Variants in CTXND2 observed in about 807,000 individuals in gnomAD.
CTXND2 encodes the protein cortexin domain containing 2.
At chr1:150,902,375 C>A (rs1669054367) in intron 1 of CTXND2, among the ~76,000 whole-genome samples, 1 of 150,660 alleles carries the variant, frequency 6.6e-6, no homozygotes, top group Non-Finnish European at 1.5e-5. Context: ...CCACTGCACT[C>A]AAGCCTGGGC....
At chr1:150,902,882 C>G (rs1304417361) in intron 1 of CTXND2, among the ~76,000 whole-genome samples, 1 of 151,978 alleles carries the variant, frequency 6.6e-6, no homozygotes, top group Non-Finnish European at 1.5e-5. Context: ...CTTTCTCCTA[C>G]AGAGTACAGA....
exon 2 of CTXND2, chr1:150,912,656 G>C: frequency 2.5e-6 from 1 of 393,124 alleles, no homozygotes; most frequent in Non-Finnish European, 4.5e-6. Context: ...ACTAAAGTGA[G>C]ATAAAGGTTG....
intron 1 of CTXND2, among the ~76,000 whole-genome samples, chr1:150,892,821 G>A (rs1021039781): frequency 6.6e-6 from 1 of 152,070 alleles, no homozygotes; most frequent in Non-Finnish European, 1.5e-5. Context: ...CTACGGGCAT[G>A]AGCCACCATG....
At chr1:150,900,979 G>A (rs968616651) in intron 1 of CTXND2, among the ~76,000 whole-genome samples, 2 of 152,120 alleles carry the variant, frequency 1.3e-5, no homozygotes, top group East Asian at 1.9e-4. Context: ...GCACATGGTG[G>A]CATGCACCTG....
chr1:150,892,535 T>C (rs1477115241), intron 1 of CTXND2, among the ~76,000 whole-genome samples: 1 of 149,608 alleles, frequency 6.7e-6, no homozygotes, highest in Admixed American at 6.6e-5. Context: ...CTTCTTTTTT[T>C]TTTTTTTTTT....
chr1:150,892,528 C>CT (rs5777740), intron 1 of CTXND2, among the ~76,000 whole-genome samples: 10,794 of 123,330 alleles, frequency 0.088, 534 homozygotes, highest in East Asian at 0.16. Flanking sequence ...TCTTCTTCTT[C>CT]TTTTTTTTTT....
chr1:150,904,096 G>C, intron 1 of CTXND2: 1 of 664,016 alleles, frequency 1.5e-6, no homozygotes, highest in South Asian at 1.4e-5. Flanking sequence ...CGCTGATGGA[G>C]TATTTGGAAA....
chr1:150,900,656 CCA>C (rs1669001032), intron 1 of CTXND2, among the ~76,000 whole-genome samples: 2 of 128,936 alleles, frequency 1.6e-5, no homozygotes, highest in Non-Finnish European at 3.4e-5. Flanking sequence ...AAAAAACAAA[CCA>C]AAAAAAAACC....
At chr1:150,900,571 C>A (rs587746681) in intron 1 of CTXND2, among the ~76,000 whole-genome samples, 120 of 152,248 alleles carry the variant, frequency 7.9e-4, no homozygotes, top group African/African-American at 2.8e-3. Flanking sequence ...TCACTTGAAC[C>A]CGGGAGGTGG....
At chr1:150,909,132 G>A (rs1342556399) in intron 1 of CTXND2, among the ~76,000 whole-genome samples, 1 of 151,592 alleles carries the variant, frequency 6.6e-6, no homozygotes, top group African/African-American at 2.4e-5. Flanking sequence ...CAGCTACTCG[G>A]GAGGGTGAGG....
chr1:150,907,957 C>T (rs1669180613), intron 1 of CTXND2, among the ~76,000 whole-genome samples: 1 of 151,970 alleles, frequency 6.6e-6, no homozygotes, highest in South Asian at 2.1e-4. Flanking sequence ...GATCCACCCG[C>T]CTTGGCCTCC....
chr1:150,903,831 G>T (rs769861687), intron 1 of CTXND2: 2 of 489,598 alleles, frequency 4.1e-6, no homozygotes, highest in Admixed American at 2.5e-5. Context: ...TTTATGGAGA[G>T]AGTGGGATGT....
intron 1 of CTXND2, among the ~76,000 whole-genome samples, chr1:150,898,002 G>A (rs1266873953): frequency 6.6e-6 from 1 of 152,172 alleles, no homozygotes; most frequent in African/African-American, 2.4e-5. Flanking sequence ...CTTTGCTTGT[G>A]TGTAACCAAA....
At chr1:150,904,010 C>G in intron 1 of CTXND2, 1 of 651,266 alleles carries the variant, frequency 1.5e-6, no homozygotes, top group South Asian at 1.4e-5. Flanking sequence ...TCTCTTCAGT[C>G]AGAAGACAGG....
At chr1:150,900,138 TCTC>T (rs1325910073) in intron 1 of CTXND2, among the ~76,000 whole-genome samples, 1 of 151,970 alleles carries the variant, frequency 6.6e-6, no homozygotes, top group African/African-American at 2.4e-5. Flanking sequence ...CTTTTGCTCT[TCTC>T]AATAAATCTT....
intron 1 of CTXND2, among the ~76,000 whole-genome samples, chr1:150,911,329 G>A (rs1669253817): frequency 6.6e-6 from 1 of 151,952 alleles, no homozygotes. Context: ...AGCTTTTAGT[G>A]AGTTTTTGAA....
intron 1 of CTXND2, among the ~76,000 whole-genome samples, chr1:150,905,612 C>A (rs1669128363): frequency 6.8e-6 from 1 of 147,438 alleles, no homozygotes; most frequent in South Asian, 2.1e-4. Context: ...ACAATTAGAG[C>A]CAGAACCTCT....
intron 1 of CTXND2, among the ~76,000 whole-genome samples, chr1:150,903,690 C>T (rs1238365468): frequency 6.6e-6 from 1 of 150,820 alleles, no homozygotes; most frequent in African/African-American, 2.4e-5. Flanking sequence ...CCCAGCTGCT[C>T]GGGAGGCTGA....
At chr1:150,897,393 T>C (rs1203532972) in intron 1 of CTXND2, among the ~76,000 whole-genome samples, 1 of 152,208 alleles carries the variant, frequency 6.6e-6, no homozygotes, top group Non-Finnish European at 1.5e-5. Context: ...GGCACAATAT[T>C]GGCTCACTGC....
Sources: allele counts gnomAD v4.1 joint callset (sites outside exome capture counted in the v4.1 genomes callset), GRCh38; gene constraint gnomAD v4.1.1; transcripts MANE v1.5; gene names NCBI Gene and HGNC (gene_info 2026-07-23, HGNC 2026-07-21).